The following PTPRD variants were observed in gnomAD, a reference collection of about 807,000 sequenced individuals.
PTPRD encodes the protein protein tyrosine phosphatase receptor type D, also known as receptor-type tyrosine-protein phosphatase delta.
In PTPRD, 34 loss-of-function variants were observed where a neutral mutation model predicts 214.5. The ratio of observed to expected loss-of-function variants is 0.16; its 90% CI spans 0.12 to 0.21. The LOEUF is 0.21. Ranked by LOEUF, PTPRD falls within the 10% of genes least tolerant of loss-of-function variation. The probability of loss-of-function intolerance (pLI) is 1.00; values close to 1 mark genes in which losing one functional copy is unlikely to be tolerated. For synonymous variants in PTPRD, 1,128 were observed against 845.7 expected (o/e 1.33, Z -5.79); for missense variants, 2,545 against 2,398.7 (o/e 1.06, Z -1.27).
intron 9 of PTPRD, among the ~76,000 whole-genome samples, chr9:9,278,989 C>T (rs1485115562): frequency 1.3e-5 from 2 of 151,098 alleles, no homozygotes; most frequent in Non-Finnish European, 3.0e-5. Flanking sequence ...CTCAGTTTTA[C>T]TTGAACAATA....
At chr9:9,300,954 A>C (rs1002647256) in intron 9 of PTPRD, among the ~76,000 whole-genome samples, 1 of 151,778 alleles carries the variant, frequency 6.6e-6, no homozygotes, top group African/African-American at 2.4e-5. Flanking sequence ...TGCTTGGATA[A>C]TACACTTTTC....
At chr9:9,572,640 A>G (rs1426449775) in intron 8 of PTPRD, among the ~76,000 whole-genome samples, 1 of 147,980 alleles carries the variant, frequency 6.8e-6, no homozygotes, top group East Asian at 2.0e-4. Context: ...ATATGTATTT[A>G]TGTATAAACA....
chr9:8,653,010 C>T (rs529736146), intron 12 of PTPRD, among the ~76,000 whole-genome samples: 69 of 152,238 alleles, frequency 4.5e-4, no homozygotes, highest in Non-Finnish European at 6.0e-4. Context: ...GTCATAGTCA[C>T]TAATTTAATG....
chr9:10,610,724 T>A (rs1306011418), intron 2 of PTPRD, among the ~76,000 whole-genome samples: 1 of 152,148 alleles, frequency 6.6e-6, no homozygotes, highest in Admixed American at 6.5e-5. Flanking sequence ...CAAGAAACAA[T>A]GACACATCTT....
intron 6 of PTPRD, among the ~76,000 whole-genome samples, chr9:9,756,386 T>C (rs1017389068): frequency 6.6e-6 from 1 of 152,172 alleles, no homozygotes; most frequent in African/African-American, 2.4e-5. Context: ...AGTTTAACAT[T>C]GTAACATTTA....
chr9:8,709,165 A>G (rs1160603185), intron 12 of PTPRD, among the ~76,000 whole-genome samples: 1 of 152,152 alleles, frequency 6.6e-6, no homozygotes. Flanking sequence ...AATAAGTTCA[A>G]CAGATCTACT....
chr9:8,902,607 A>T (rs1458066664), intron 11 of PTPRD, among the ~76,000 whole-genome samples: 2 of 152,086 alleles, frequency 1.3e-5, no homozygotes, highest in Non-Finnish European at 2.9e-5. Context: ...AGCCTCCCAA[A>T]GTGCTGGGAT....
In PTPRD at chr9:9,393,289, C is replaced by A. The variant is rs1357537072; in HGVS notation, c.-203+4160G>T. Among the ~76,000 whole-genome samples the A allele has an allele frequency of 2.0e-5, 3 of 152,092 alleles. 1 individual carries two copies. The highest frequency in any genetic ancestry group is 2.0e-4 in the Admixed American group (3 of 15,248). ...GGTTTGTTCATATAACTTATTTTGA[C>A]CAATGGGACATTAGCAAGCTTGATA... On this transcript the variant is annotated intron_variant, in intron 9 of 45. Coordinates refer to ENST00000381196, the MANE Select transcript of PTPRD (RefSeq NM_002839.4).
intron 11 of PTPRD, among the ~76,000 whole-genome samples, chr9:8,749,360 G>A (rs562325780): frequency 1.3e-5 from 2 of 152,232 alleles, no homozygotes; most frequent in East Asian, 3.9e-4. Context: ...GCTAATTTTT[G>A]TGTTTTTAGT....
intron 3 of PTPRD, among the ~76,000 whole-genome samples, chr9:10,301,898 T>C (rs977511828): frequency 1.3e-5 from 2 of 152,006 alleles, no homozygotes; most frequent in Non-Finnish European, 2.9e-5. Flanking sequence ...AGGCCAACAT[T>C]CAAATTCAGG....
rs773870035 is a variant in PTPRD, at chr9:8,331,676, G to C, written c.5440C>G (p.Pro1814Ala). 1.9e-6 allele frequency: 3 copies of C among 1,613,560 alleles called. No individual in the cohort carries two copies. In the African/African-American group the frequency reaches 4.0e-5, roughly 22 times the overall value. The change falls in exon 44 of 46, where the codon CCA becomes GCA. Residue 1814 changes from proline (P) to alanine (A), a missense_variant. Pro to Ala is a conservative substitution (Grantham distance 27, BLOSUM62 -1). Transcript: ENST00000381196. ...TCAATAAATCCTTCTCCGGACTTTGGCACTCCTTGCTCTGGCCAGTCAGTG... is the reference window on the plus strand; with the variant it reads ...TCAATAAATCCTTCTCCGGACTTTGCCACTCCTTGCTCTGGCCAGTCAGTG... ...QFTDWPEQGV[P>A]KSGEGFIDFI...
chr9:10,421,446 G>A (rs113377168), intron 2 of PTPRD, among the ~76,000 whole-genome samples: 49 of 151,918 alleles, frequency 3.2e-4, no homozygotes, highest in Admixed American at 1.5e-3. Flanking sequence ...ATACTTCTTG[G>A]TAAATTATTT....
intron 3 of PTPRD, among the ~76,000 whole-genome samples, chr9:10,191,430 A>T (rs946725344): frequency 3.9e-5 from 6 of 152,154 alleles, no homozygotes; most frequent in African/African-American, 1.4e-4. Context: ...GGAGAGGCTA[A>T]TGCTATTTTA....
At chr9:9,330,421 C>G (rs956056809) in intron 9 of PTPRD, among the ~76,000 whole-genome samples, 1 of 152,010 alleles carries the variant, frequency 6.6e-6, no homozygotes, top group Non-Finnish European at 1.5e-5. Context: ...AGTACAGTAA[C>G]CTTTGGGATT....
intron 5 of PTPRD, among the ~76,000 whole-genome samples, chr9:9,849,784 A>G (rs1442040617): frequency 6.6e-6 from 1 of 152,156 alleles, no homozygotes. Context: ...ACTCCAAACC[A>G]GAAAGCCTCT....
rs115995766 is a variant in PTPRD at position 8,322,599 on chromosome 9, G to T, written c.5535-2633C>A. 8.3e-3 allele frequency among the ~76,000 whole-genome samples: 1,258 copies of T among 152,272 alleles called. 16 individuals are homozygous for T. The highest frequency in any genetic ancestry group is 0.027 in the African/African-American group (1,138 of 41,546). ...GAAGAAAAGTTTGAAGTTAGCACAGGTTGGCTTATGAGGTTTAAGGAAGGA... is the reference window on the plus strand; with the variant it reads ...GAAGAAAAGTTTGAAGTTAGCACAGTTTGGCTTATGAGGTTTAAGGAAGGA... On this transcript the variant is annotated intron_variant, in intron 44 of 45. Transcript: ENST00000381196.
At chr9:9,394,794 G>T in intron 9 of PTPRD, among the ~76,000 whole-genome samples, 1 of 151,858 alleles carries the variant, frequency 6.6e-6, no homozygotes, top group East Asian at 1.9e-4. Flanking sequence ...TAAAACAATG[G>T]CTTCCAAGCT....
intron 14 of PTPRD, among the ~76,000 whole-genome samples, chr9:8,612,228 T>C (rs943557992): frequency 1.1e-4 from 16 of 152,244 alleles, no homozygotes; most frequent in Admixed American, 1.3e-4. Context: ...CTAAATATCC[T>C]ACAAAACATA....
At chr9:10,107,261 A>C (rs2098643183) in intron 3 of PTPRD, among the ~76,000 whole-genome samples, 1 of 152,056 alleles carries the variant, frequency 6.6e-6, no homozygotes. Context: ...AACATTGTAG[A>C]AATGGATGGA....
Sources: gnomAD v4.1 joint callset for allele counts (sites outside exome capture counted in the v4.1 genomes callset) on GRCh38, gnomAD v4.1.1 for gene constraint, MANE v1.5 for transcripts, NCBI Gene and HGNC (gene_info 2026-07-23, HGNC 2026-07-21) for gene names.